KIAA1217: variants seen among roughly 807,000 people sequenced by gnomAD.
The protein encoded by KIAA1217 is KIAA1217, also known as sickle tail protein homolog.
Under a neutral mutation model 163.9 loss-of-function variants are expected in KIAA1217, and 88 were observed. The observed-to-expected ratio is 0.54, with a 90% confidence interval of 0.45 to 0.64. KIAA1217 has a LOEUF of 0.64. KIAA1217 is among the 30% of genes least tolerant of loss of function. KIAA1217 has a pLI of 0.00. For synonymous variants in KIAA1217, 903 were observed against 923.1 expected, an observed-to-expected ratio of 0.98 and a Z score of 0.39; for missense variants, 2,372 against 2,475.0, an observed-to-expected ratio of 0.96 and a Z score of 0.88.
In KIAA1217 at chr10:24,305,208, T is replaced by G. The variant is rs761293951; in HGVS notation, c.355-75661T>G. ...AAATTGGGGAGATATTGTAGCCAGGTTGAAAGCTTGTACTGCTCACTGCAC... is the reference window on the plus strand; with the variant it reads ...AAATTGGGGAGATATTGTAGCCAGGGTGAAAGCTTGTACTGCTCACTGCAC... On this transcript the variant is annotated intron_variant, in intron 2 of 20. Transcript: ENST00000376454. Among the ~76,000 whole-genome samples, 111 of 152,256 alleles carry G rather than the reference T, an allele frequency of 7.3e-4. 1 individual carries two copies. Among genetic ancestry groups the G allele is most frequent in the Middle Eastern group, 3.4e-3 (1 of 294 alleles).
At chr10:24,171,200 T>C (rs2131914535) in intron 2 of KIAA1217, among the ~76,000 whole-genome samples, 1 of 152,350 alleles carries the variant, frequency 6.6e-6, no homozygotes, top group East Asian at 1.9e-4. Flanking sequence ...GGGTTTGTGA[T>C]GACATTGTTA....
chr10:24,181,714 A>T (rs756329754), intron 2 of KIAA1217, among the ~76,000 whole-genome samples: 2 of 152,224 alleles, frequency 1.3e-5, no homozygotes, highest in Non-Finnish European at 2.9e-5. Context: ...TGGTGGTAGT[A>T]GGATGGATTC....
At chr10:23,848,835 T>C (rs1373235975) in intron 1 of KIAA1217, among the ~76,000 whole-genome samples, 1 of 152,134 alleles carries the variant, frequency 6.6e-6, no homozygotes, top group Non-Finnish European at 1.5e-5. Flanking sequence ...CCTTTGTTGT[T>C]ACAAGAAATA....
intron 15 of KIAA1217, 75 bp downstream of exon 15, chr10:24,532,068 A>G (rs2073202118): frequency 7.6e-7 from 1 of 1,320,778 alleles, no homozygotes; most frequent in African/African-American, 1.5e-5. Context: ...TCTCTGTTGG[A>G]ACATAAAAAG....
intron 1 of KIAA1217, among the ~76,000 whole-genome samples, chr10:23,780,878 G>A (rs1426693176): frequency 5.3e-5 from 8 of 151,970 alleles, no homozygotes; most frequent in African/African-American, 9.7e-5. Context: ...ACTGGGTTTC[G>A]CCATGTTAGG....
chr10:24,063,167 G>T (rs1459024360), intron 2 of KIAA1217, among the ~76,000 whole-genome samples: 18 of 151,862 alleles, frequency 1.2e-4, no homozygotes, highest in East Asian at 1.9e-4. Flanking sequence ...GTCAATTTTG[G>T]CTTTTGTTGC....
At chr10:23,892,492 G>A (rs1456780219) in intron 1 of KIAA1217, among the ~76,000 whole-genome samples, 1 of 151,868 alleles carries the variant, frequency 6.6e-6, no homozygotes, top group Non-Finnish European at 1.5e-5. Context: ...CTCATAATAT[G>A]TTCAATGTCT....
At position 24,291,179 on chromosome 10, in the gene KIAA1217, G is replaced by A. The variant is rs548181865; in HGVS notation, c.354+71270G>A. On this transcript the variant is annotated intron_variant, in intron 2 of 20. Transcript: ENST00000376454. Reference sequence around the variant, plus strand: ...ATAACTTTTCTTCCCATATAAGCATGGGCTATCCTAGAGCCCAGTCCCCTG... The same window carrying A: ...ATAACTTTTCTTCCCATATAAGCATAGGCTATCCTAGAGCCCAGTCCCCTG... 3.9e-5 allele frequency among the ~76,000 whole-genome samples: 6 copies of A among 152,260 alleles called. No homozygotes were observed. The South Asian group carries it at 1.0e-3, about 26-fold the overall frequency.
chr10:24,310,033 G>A (rs564321409), intron 2 of KIAA1217, among the ~76,000 whole-genome samples: 20 of 152,264 alleles, frequency 1.3e-4, no homozygotes, highest in African/African-American at 4.3e-4. Flanking sequence ...AGTTTCTCAC[G>A]TGTTGGTGCT....
chr10:24,529,543 G>C (rs1019830150), intron 14 of KIAA1217, among the ~76,000 whole-genome samples: 1 of 151,768 alleles, frequency 6.6e-6, no homozygotes, highest in Non-Finnish European at 1.5e-5. Flanking sequence ...CACAGATGTG[G>C]AACCCATGGA....
At chr10:24,491,234 G>T (rs1234097152) in intron 6 of KIAA1217, among the ~76,000 whole-genome samples, 3 of 149,902 alleles carry the variant, frequency 2.0e-5, no homozygotes, top group African/African-American at 7.4e-5. Context: ...TAGAGGAGCA[G>T]CAATGTTGTT....
chr10:23,713,932 A>G (rs1837411812), intron 1 of KIAA1217, among the ~76,000 whole-genome samples: 1 of 152,092 alleles, frequency 6.6e-6, no homozygotes, highest in African/African-American at 2.4e-5. Context: ...ACTTGCTTAT[A>G]CACTTTTCAT....
At chr10:24,126,894 T>C (rs952597251) in intron 2 of KIAA1217, among the ~76,000 whole-genome samples, 3 of 152,114 alleles carry the variant, frequency 2.0e-5, no homozygotes, top group African/African-American at 7.2e-5. Flanking sequence ...TTAATGCAGA[T>C]CAATATCAGT....
At chr10:23,819,113 G>A (rs1462657626) in intron 1 of KIAA1217, among the ~76,000 whole-genome samples, 6 of 152,172 alleles carry the variant, frequency 3.9e-5, no homozygotes, top group African/African-American at 1.4e-4. Flanking sequence ...TGTTGAGCAG[G>A]CTTTCTGTGG....
At chr10:23,774,727 G>A (rs1834937514) in intron 1 of KIAA1217, among the ~76,000 whole-genome samples, 1 of 152,174 alleles carries the variant, frequency 6.6e-6, no homozygotes, top group African/African-American at 2.4e-5. Context: ...AAAAGGTGCA[G>A]TCTGGGGCCC....
At chr10:24,209,099 A>C, upstream of KIAA1217, 7 of 994,554 alleles carry the variant, frequency 7.0e-6, no homozygotes, top group Non-Finnish European at 9.5e-6. Flanking sequence ...CCTCCTCCCC[A>C]GCCCCGGGCC....
intron 2 of KIAA1217, among the ~76,000 whole-genome samples, chr10:24,226,597 G>C (rs989772657): frequency 6.6e-6 from 1 of 151,638 alleles, no homozygotes; most frequent in East Asian, 1.9e-4. Context: ...AGCCAAGATC[G>C]CACCACTGCA....
At chr10:23,809,270 A>G (rs1836876868) in intron 1 of KIAA1217, among the ~76,000 whole-genome samples, 1 of 152,068 alleles carries the variant, frequency 6.6e-6, no homozygotes, top group Non-Finnish European at 1.5e-5. Flanking sequence ...GACGCAAAAC[A>G]GTGATAACAA....
chr10:24,500,383 C>G, intron 8 of KIAA1217, among the ~76,000 whole-genome samples: 1 of 129,062 alleles, frequency 7.7e-6, no homozygotes. Flanking sequence ...GCCTCTACTC[C>G]AGAAGAGTGT....
Sources: gnomAD v4.1 joint callset for allele counts (sites outside exome capture counted in the v4.1 genomes callset) on GRCh38, gnomAD v4.1.1 for gene constraint, MANE v1.5 for transcripts, NCBI Gene and HGNC (gene_info 2026-07-23, HGNC 2026-07-21) for gene names.